The following PHIP variants were observed in gnomAD, a reference collection of about 807,000 sequenced individuals.
PHIP encodes PHIP subunit of CUL4-Ring ligase complex, also known as PH-interacting protein.
Under a neutral mutation model 236.8 loss-of-function variants are expected in PHIP, and 54 were observed. The observed-to-expected ratio is 0.23, with a 90% CI of 0.18 to 0.29. PHIP has a LOEUF of 0.29. Among genes scored for constraint, PHIP ranks in the 10% least tolerant of loss-of-function variants. The pLI is 1.00. For synonymous variants in PHIP, 756 were observed against 718.9 expected, an observed-to-expected ratio of 1.05 and a Z score of -0.83; for missense variants, 1,370 against 2,190.8, an observed-to-expected ratio of 0.63 and a Z score of 7.48.
intron 32 of PHIP, chr6:78,957,038 G>A (rs1308132951): frequency 1.3e-5 from 2 of 151,964 alleles, no homozygotes; most frequent in Non-Finnish European, 2.9e-5. Context: ...GCTAAAAAAA[G>A]TATTTTTAAA....
chr6:78,950,998 C>T (rs1680460347), intron 35 of PHIP, among the ~76,000 whole-genome samples: 1 of 152,028 alleles, frequency 6.6e-6, no homozygotes, highest in Non-Finnish European at 1.5e-5. Context: ...AGAAATTTCC[C>T]TGCATTGCTT....
chr6:79,040,438 CT>C (rs1252722877), intron 7 of PHIP, among the ~76,000 whole-genome samples: 1 of 152,098 alleles, frequency 6.6e-6, no homozygotes, highest in East Asian at 1.9e-4. Flanking sequence ...TCTGCAAGGT[CT>C]TAAAATACCA....
rs956618211 is a variant in PHIP, at chr6:78,943,713, G to A, written c.4828+1587C>T. On this transcript the variant is annotated intron_variant, in intron 39 of 39. Coordinates refer to ENST00000275034, the MANE Select transcript of PHIP (RefSeq NM_017934.7). ...TAAAGATGGAAGTGCTTGGCTGGGCGTGGTGGCTCACATCTGAAATCACAA... is the reference window on the plus strand; with the variant it reads ...TAAAGATGGAAGTGCTTGGCTGGGCATGGTGGCTCACATCTGAAATCACAA... Among the ~76,000 whole-genome samples the A allele has an allele frequency of 1.5e-4, 23 of 152,178 alleles. No individual in the cohort carries two copies. In the East Asian group the frequency reaches 1.5e-3, roughly 10 times the overall value.
intron 6 of PHIP, among the ~76,000 whole-genome samples, chr6:79,059,174 T>G (rs767431702): frequency 2.4e-4 from 36 of 151,906 alleles, no homozygotes; most frequent in Non-Finnish European, 4.9e-4. Flanking sequence ...GTCAAAAACA[T>G]GTAAAACATA....
At chr6:78,942,414 C>T (rs774659143) in intron 39 of PHIP, among the ~76,000 whole-genome samples, 1 of 152,070 alleles carries the variant, frequency 6.6e-6, no homozygotes, top group Non-Finnish European at 1.5e-5. Flanking sequence ...ACCCAGGAGG[C>T]GGAGGTTGCA....
intron 15 of PHIP, among the ~76,000 whole-genome samples, chr6:79,011,188 G>C: frequency 6.6e-6 from 1 of 151,744 alleles, no homozygotes; most frequent in East Asian, 1.9e-4. Flanking sequence ...TTATAGTTTG[G>C]AATATTCTTA....
At chr6:79,006,750 A>G (rs960826117) in intron 15 of PHIP, among the ~76,000 whole-genome samples, 6 of 152,052 alleles carry the variant, frequency 3.9e-5, no homozygotes, top group African/African-American at 1.4e-4. Context: ...AATTATCAAA[A>G]TAAGTGCATT....
intron 35 of PHIP, among the ~76,000 whole-genome samples, chr6:78,954,485 T>C (rs1450605536): frequency 2.0e-5 from 3 of 151,910 alleles, no homozygotes; most frequent in African/African-American, 4.8e-5. Flanking sequence ...TTCTAGATAA[T>C]TGCCATAATA....
chr6:78,945,396 T>G lies in PHIP; in HGVS notation c.4732A>C (p.Asn1578His), dbSNP rs1186018920. The change falls in exon 39 of 40, where the codon AAC (asparagine) becomes CAC (histidine). Residue 1578 changes from asparagine to histidine, a missense_variant. Physicochemically the swap from Asn to His is moderately conservative, Grantham distance 68. Transcript: ENST00000275034. ...TTGACTGGCTTTTCCTTTTCCATGTTTTCTTTTGCAGAATTATTCCTAGTG... is the reference window on the plus strand; with the variant it reads ...TTGACTGGCTTTTCCTTTTCCATGTGTTCTTTTGCAGAATTATTCCTAGTG... The part of the protein sequence containing the change: ...HGTRNNSAKE[N>H]MEKEKPVKRK... 1.2e-6 allele frequency: 2 copies of G among 1,613,292 alleles called. No individual in the cohort carries two copies.
At chr6:79,061,456 T>C (rs1441349767) in intron 4 of PHIP, among the ~76,000 whole-genome samples, 2 of 152,096 alleles carry the variant, frequency 1.3e-5, no homozygotes, top group Admixed American at 6.6e-5. Context: ...ACAGGACACA[T>C]AACATGTGAT....
At chr6:79,015,855 T>C in intron 13 of PHIP, 72 bp from the exon 14 acceptor site, 2 of 967,592 alleles carry the variant, frequency 2.1e-6, no homozygotes, top group Non-Finnish European at 3.1e-6. Flanking sequence ...ATATAATCTA[T>C]AATTAGTATT....
intron 4 of PHIP, among the ~76,000 whole-genome samples, chr6:79,062,271 T>C (rs1773416522): frequency 6.6e-6 from 1 of 152,194 alleles, no homozygotes; most frequent in Non-Finnish European, 1.5e-5. Flanking sequence ...TTTTCCCTAA[T>C]AATATCTATC....
In PHIP at chr6:79,063,534, G is replaced by A. The variant is rs187423807; in HGVS notation, c.190-2716C>T. Among the ~76,000 whole-genome samples, 261 of 152,008 alleles carry A rather than the reference G, an allele frequency of 1.7e-3. 1 individual carries two copies. The highest frequency in any genetic ancestry group is 5.6e-3 in the African/African-American group (233 of 41,474). ...CAGGTTCAAGTGATTCTCCTGCCTCGCCTCCCGAGTAGCTGGAATTACAGG... is the reference window on the plus strand; with the variant it reads ...CAGGTTCAAGTGATTCTCCTGCCTCACCTCCCGAGTAGCTGGAATTACAGG... On this transcript the variant is annotated intron_variant, in intron 4 of 39. Transcript: ENST00000275034.
intron 38 of PHIP, 107 bp downstream of exon 38, chr6:78,945,894 C>T: frequency 1.3e-6 from 1 of 775,192 alleles, no homozygotes; most frequent in South Asian, 1.9e-5. Context: ...GCAAAAACAA[C>T]AGTGTCTGCT....
Position 78,936,449 on chromosome 6 carries a change from AACAC to A in PHIP, c.*4240_*4243del, listed in dbSNP as rs967915727. 7 of 151,992 alleles carry A rather than the reference AACAC, an allele frequency of 4.6e-5. No individual in the cohort carries two copies. The highest frequency in any genetic ancestry group is 2.1e-4 in the South Asian group (1 of 4,824). The allele number at this position is 151,992 out of a possible 1,614,324, so 9.4% of individuals were successfully genotyped here. A position where few individuals can be genotyped will look rare whatever the true frequency, so the allele number is the denominator to read the frequency against. ...TTATAGTCTATCATTGTGACTAATC[AACAC>A]ACACAATCTTAAAGTAACCAGCATG... On this transcript the variant is annotated 3_prime_UTR_variant, in exon 40 of 40. Coordinates refer to ENST00000275034, the MANE Select transcript of PHIP (RefSeq NM_017934.7).
chr6:78,947,821 G>A, intron 35 of PHIP, 46 bp from the exon 36 acceptor site: 2 of 1,375,262 alleles, frequency 1.5e-6, no homozygotes, highest in Non-Finnish European at 2.0e-6. Flanking sequence ...ACTACACAAA[G>A]CATCACTTCT....
chr6:78,997,636 A>G, intron 18 of PHIP, 39 bp from the exon 19 acceptor site: 5 of 1,455,980 alleles, frequency 3.4e-6, no homozygotes, highest in Non-Finnish European at 4.8e-6. Context: ...CTACTTAGAG[A>G]TATTTCTCCA....
At chr6:79,032,505 T>A (rs1388101549) in intron 7 of PHIP, among the ~76,000 whole-genome samples, 1 of 152,156 alleles carries the variant, frequency 6.6e-6, no homozygotes, top group African/African-American at 2.4e-5. Flanking sequence ...TGACCAAGAG[T>A]AAATTCCATC....
At chr6:79,077,354 G>C in intron 4 of PHIP, 94 bp downstream of exon 4, 1 of 1,194,120 alleles carries the variant, frequency 8.4e-7, no homozygotes, top group Non-Finnish European at 1.2e-6. Flanking sequence ...CACGTTCTAG[G>C]GCCAAGTTTT....
Sources: allele counts gnomAD v4.1 joint callset (sites outside exome capture counted in the v4.1 genomes callset), GRCh38; gene constraint gnomAD v4.1.1; transcripts MANE v1.5; gene names NCBI Gene and HGNC (gene_info 2026-07-23, HGNC 2026-07-21).